The following STARD13 variants were observed in gnomAD, a reference collection of about 807,000 sequenced individuals.
The protein encoded by STARD13 is StAR related lipid transfer domain containing 13, also known as stAR-related lipid transfer protein 13.
Under a neutral mutation model 106.4 loss-of-function variants are expected in STARD13, and 62 were observed. That is an observed-to-expected ratio of 0.58 (90% CI 0.48 to 0.72). The LOEUF is 0.72. Ranked by LOEUF, STARD13 falls within the 30% of genes least tolerant of loss-of-function variation. The pLI, the probability that STARD13 is intolerant of heterozygous loss-of-function variation, is 0.00. For synonymous variants in STARD13, 565 were observed against 553.0 expected, an observed-to-expected ratio of 1.02 and a Z score of -0.31; for missense variants, 1,387 against 1,424.0, an observed-to-expected ratio of 0.97 and a Z score of 0.42.
chr13:33,555,486 G>A, the STARD13 span, among the ~76,000 whole-genome samples: 1 of 152,170 alleles, frequency 6.6e-6, no homozygotes, highest in South Asian at 2.1e-4. Flanking sequence ...TAATTGGGAG[G>A]TTTGTTTTTA....
At chr13:33,569,842 A>G in the STARD13 span, among the ~76,000 whole-genome samples, 1 of 147,774 alleles carries the variant, frequency 6.8e-6, no homozygotes, top group Non-Finnish European at 1.5e-5. Context: ...AAGGAGAATT[A>G]TGCTTGTTCG....
intron 6 of STARD13, among the ~76,000 whole-genome samples, chr13:33,126,937 A>G (rs1187335280): frequency 6.6e-6 from 1 of 152,228 alleles, no homozygotes; most frequent in Non-Finnish European, 1.5e-5. Flanking sequence ...TCTATTTGCC[A>G]ATGAAATAAA....
At chr13:33,229,449 CAGA>C (rs977174302) in intron 1 of STARD13, among the ~76,000 whole-genome samples, 1 of 152,204 alleles carries the variant, frequency 6.6e-6, no homozygotes, top group African/African-American at 2.4e-5. Context: ...GAAAAATTAC[CAGA>C]AGGACAAGAT....
chr13:33,446,685 C>A, the STARD13 span, among the ~76,000 whole-genome samples: 10 of 151,956 alleles, frequency 6.6e-5, no homozygotes, highest in Non-Finnish European at 1.3e-4. Context: ...TGTATATTAG[C>A]GTTCATGTAT....
chr13:33,521,293 G>A, the STARD13 span, among the ~76,000 whole-genome samples: 1 of 152,100 alleles, frequency 6.6e-6, no homozygotes, highest in South Asian at 2.1e-4. Context: ...TCAGATGAAT[G>A]AAGGTACACT....
At chr13:33,396,063 G>C in the STARD13 span, among the ~76,000 whole-genome samples, 1 of 152,052 alleles carries the variant, frequency 6.6e-6, no homozygotes, top group African/African-American at 2.4e-5. Context: ...TGTTGACCAG[G>C]ATTGGTTTCG....
the STARD13 span, among the ~76,000 whole-genome samples, chr13:33,362,296 C>G: frequency 1.3e-5 from 2 of 152,102 alleles, no homozygotes; most frequent in Non-Finnish European, 2.9e-5. Flanking sequence ...TGTGAACTGA[C>G]TGAGTGAGAA....
chr13:33,342,038 G>A (rs910875366), intron 1 of STARD13, among the ~76,000 whole-genome samples: 2 of 152,122 alleles, frequency 1.3e-5, no homozygotes, highest in East Asian at 1.9e-4. Flanking sequence ...GGATCTGCCC[G>A]CCACGGACAG....
chr13:33,232,086 G>A (rs1251346867), intron 1 of STARD13, among the ~76,000 whole-genome samples: 1 of 152,198 alleles, frequency 6.6e-6, no homozygotes, highest in Non-Finnish European at 1.5e-5. Flanking sequence ...GCCAAGATGG[G>A]TGGATCACCT....
the STARD13 span, among the ~76,000 whole-genome samples, chr13:33,404,891 C>A: frequency 1.3e-5 from 2 of 151,910 alleles, no homozygotes; most frequent in Admixed American, 1.3e-4. Flanking sequence ...ATTCTCCTGC[C>A]TCAGCCTCTC....
At chr13:33,358,178 C>T in the STARD13 span, among the ~76,000 whole-genome samples, 3 of 152,234 alleles carry the variant, frequency 2.0e-5, no homozygotes, top group Non-Finnish European at 2.9e-5. Context: ...CCCACCAGTG[C>T]TGCGCTCGAT....
At chr13:33,156,346 C>G (rs1881982797) in intron 3 of STARD13, among the ~76,000 whole-genome samples, 1 of 152,124 alleles carries the variant, frequency 6.6e-6, no homozygotes, top group Admixed American at 6.5e-5. Flanking sequence ...CTTGCTTTTG[C>G]TCTACAATAA....
chr13:33,334,470 C>T (rs1316813753), intron 1 of STARD13, among the ~76,000 whole-genome samples: 1 of 152,142 alleles, frequency 6.6e-6, no homozygotes, highest in Non-Finnish European at 1.5e-5. Context: ...TGATCGGGAC[C>T]TCAGTGTCAT....
the STARD13 span, among the ~76,000 whole-genome samples, chr13:33,506,091 A>G: frequency 6.6e-6 from 1 of 152,182 alleles, no homozygotes; most frequent in African/African-American, 2.4e-5. Flanking sequence ...GGGGAAAAAT[A>G]CAGTGCAAAT....
At chr13:33,427,729 G>A in the STARD13 span, among the ~76,000 whole-genome samples, 1 of 152,136 alleles carries the variant, frequency 6.6e-6, no homozygotes, top group Admixed American at 6.5e-5. Flanking sequence ...GCCGAGGCGG[G>A]CGGATCACCT....
the STARD13 span, among the ~76,000 whole-genome samples, chr13:33,429,928 G>GC: frequency 1.1e-4 from 13 of 116,058 alleles, no homozygotes; most frequent in African/African-American, 4.8e-4. Context: ...CTTTTTTTTT[G>GC]GGGGGGGGGG....
At chr13:33,106,731 C>A in intron 13 of STARD13, 27 bp downstream of exon 13, 2 of 1,572,234 alleles carry the variant, frequency 1.3e-6, no homozygotes, top group South Asian at 1.2e-5. Flanking sequence ...AAGATCTGAG[C>A]CTGCCATTAA....
chr13:33,622,915 T>G, the STARD13 span, among the ~76,000 whole-genome samples: 1 of 129,190 alleles, frequency 7.7e-6, no homozygotes, highest in African/African-American at 3.6e-5. Context: ...CAAAACTCTG[T>G]CTAAAAAAAA....
the STARD13 span, among the ~76,000 whole-genome samples, chr13:33,460,330 C>CAAA: frequency 7.2e-6 from 1 of 138,244 alleles, no homozygotes; most frequent in African/African-American, 2.7e-5. Context: ...TAGTAAAATA[C>CAAA]AAAAAAAAAA....
Sources: allele counts gnomAD v4.1 joint callset (sites outside exome capture counted in the v4.1 genomes callset), GRCh38; gene constraint gnomAD v4.1.1; transcripts MANE v1.5; gene names NCBI Gene and HGNC (gene_info 2026-07-23, HGNC 2026-07-21).